LRRC8B: variants seen among roughly 807,000 people sequenced by gnomAD.
The protein encoded by LRRC8B is volume-regulated anion channel subunit LRRC8B.
A neutral mutation model predicts 58.8 loss-of-function variants in LRRC8B; 23 were observed. That is an observed-to-expected ratio of 0.39 (90% confidence interval 0.28 to 0.55). The LOEUF is 0.55. LRRC8B is among the 20% of genes least tolerant of loss of function. LRRC8B has a pLI of 0.62. For synonymous variants in LRRC8B, 359 were observed against 374.1 expected (o/e 0.96, Z 0.47); for missense variants, 694 against 936.0 (o/e 0.74, Z 3.37).
intron 3 of LRRC8B, among the ~76,000 whole-genome samples, chr1:89,577,020 A>C (rs941096942): frequency 3.3e-5 from 5 of 152,204 alleles, no homozygotes; most frequent in African/African-American, 1.2e-4. Context: ...AGTTAGATAT[A>C]TGTTAGTCCC....
intron 1 of LRRC8B, among the ~76,000 whole-genome samples, chr1:89,556,192 A>G (rs1366918191): frequency 6.6e-6 from 1 of 152,116 alleles, no homozygotes; most frequent in Non-Finnish European, 1.5e-5. Flanking sequence ...AAACCCCTAA[A>G]CAATGGAGTT....
chr1:89,571,854 C>T (rs564185673), intron 3 of LRRC8B, among the ~76,000 whole-genome samples: 1 of 151,968 alleles, frequency 6.6e-6, no homozygotes, highest in East Asian at 1.9e-4. Context: ...TACCATGTGG[C>T]AATGGCATTG....
rs1300865367 is a variant in LRRC8B, at chr1:89,555,926, T to TA, written c.-240-12319dup. 3.3e-5 allele frequency among the ~76,000 whole-genome samples: 5 copies of TA among 152,354 alleles called. No individual in the cohort carries two copies. The East Asian group carries it at 9.6e-4, about 29-fold the overall frequency. On this transcript the variant is annotated intron_variant, in intron 1 of 5. Coordinates refer to ENST00000330947, the MANE Select transcript of LRRC8B (RefSeq NM_001369817.2). ...TCACATCACAGAGCCCCATTCCTGA[T>TA]AAGAGTGTCCTTTGTTATTCATAGC...
Position 89,594,562 on chromosome 1 carries a change from A to G in LRRC8B, c.*1519A>G, listed in dbSNP as rs1019159638. On this transcript the variant is annotated 3_prime_UTR_variant, in exon 6 of 6. Coordinates refer to ENST00000330947, the MANE Select transcript of LRRC8B (RefSeq NM_001369817.2). ...TATGTAATCTCTAGCTATGATTATA[A>G]TGTAAAACAGCCTCTATTCAGTGTC... 3.9e-5 allele frequency: 6 copies of G among 152,200 alleles called. No homozygotes were observed. Among genetic ancestry groups the G allele is most frequent in the African/African-American group, 1.4e-4 (6 of 41,464 alleles). 9.4% of individuals were successfully genotyped at this position (152,200 alleles called of 1,614,324 possible).
chr1:89,538,712 T>G (rs1451928133), intron 1 of LRRC8B, among the ~76,000 whole-genome samples: 6 of 144,436 alleles, frequency 4.2e-5, no homozygotes, highest in South Asian at 2.2e-4. Context: ...ATCTTCGAGG[T>G]TTTTTTTTGT....
intron 1 of LRRC8B, among the ~76,000 whole-genome samples, chr1:89,552,920 G>T (rs1444270311): frequency 6.6e-6 from 1 of 152,196 alleles, no homozygotes; most frequent in African/African-American, 2.4e-5. Context: ...ATTTTCAGAT[G>T]AAATTTTAAT....
intron 1 of LRRC8B, among the ~76,000 whole-genome samples, chr1:89,525,506 C>T (rs568777914): frequency 6.6e-6 from 1 of 152,180 alleles, no homozygotes. Flanking sequence ...ATTTTATGCT[C>T]TTGGGAACTA....
chr1:89,592,920 T>A lies in LRRC8B; in HGVS notation c.2289T>A (p.Leu763=). ...TCATTGGTAATTACCTGGAAACACT[T>A]CCTCCTGAACTAGAAGGATGTCAGT... ...LELIGNYLET[L]PPELEGCQSL... The change falls in exon 6 of 6, where the codon CTT becomes CTA. Residue 763 remains leucine, a synonymous_variant. Coordinates refer to ENST00000330947, the MANE Select transcript of LRRC8B (RefSeq NM_001369817.2). 1 of 1,614,110 alleles carries A rather than the reference T, an allele frequency of 6.2e-7. No homozygotes were observed. The highest frequency in any genetic ancestry group is 8.5e-7 in the Non-Finnish European group (1 of 1,180,012).
intron 1 of LRRC8B, among the ~76,000 whole-genome samples, chr1:89,555,225 T>G (rs779377415): frequency 1.3e-4 from 20 of 152,298 alleles, no homozygotes; most frequent in Non-Finnish European, 1.9e-4. Context: ...TAGAAGAACC[T>G]TACTCTATCA....
chr1:89,586,336 GATTAAT>G (rs927163777), intron 5 of LRRC8B, among the ~76,000 whole-genome samples: 11 of 152,112 alleles, frequency 7.2e-5, no homozygotes, highest in Admixed American at 1.3e-4. Flanking sequence ...TTATGCAGGT[GATTAAT>G]ATTAATATTT....
chr1:89,544,913 G>A (rs1490901503), intron 1 of LRRC8B, among the ~76,000 whole-genome samples: 1 of 152,170 alleles, frequency 6.6e-6, no homozygotes, highest in Non-Finnish European at 1.5e-5. Flanking sequence ...CATTTTATTG[G>A]ATACAATTGG....
intron 5 of LRRC8B, 128 bp downstream of exon 5, chr1:89,584,917 T>TA: frequency 1.6e-6 from 1 of 632,264 alleles, no homozygotes. Flanking sequence ...CTTGCATAAA[T>TA]TACCAAAACA....
chr1:89,560,922 A>G (rs1482551810), intron 1 of LRRC8B, among the ~76,000 whole-genome samples: 2 of 152,134 alleles, frequency 1.3e-5, no homozygotes, highest in African/African-American at 4.8e-5. Context: ...TGGCTGGGTC[A>G]AATGGTAATT....
intron 1 of LRRC8B, among the ~76,000 whole-genome samples, chr1:89,531,413 A>T (rs985419749): frequency 2.6e-5 from 4 of 152,246 alleles, no homozygotes. Flanking sequence ...TACCATCTTG[A>T]GGTAACAGAA....
At chr1:89,586,664 G>A (rs1364578388) in intron 5 of LRRC8B, among the ~76,000 whole-genome samples, 8 of 152,170 alleles carry the variant, frequency 5.3e-5, no homozygotes, top group African/African-American at 1.9e-4. Context: ...GAATAAGAAA[G>A]AATACTTTGT....
In LRRC8B at chr1:89,592,846, A is replaced by T. The variant is rs201504233; in HGVS notation, c.2215A>T (p.Asn739Tyr). 2 of 1,614,074 alleles carry T rather than the reference A, an allele frequency of 1.2e-6. No homozygotes were observed. The highest frequency in any genetic ancestry group is 1.7e-6 in the Non-Finnish European group (2 of 1,179,966). Reference protein sequence around the residue: ...CLLLGKNSLMNLSPHVGELSN... With the variant: ...CLLLGKNSLMYLSPHVGELSN... ...ACTTTTGGGGAAAAATAGCTTGATG[A>T]ATTTGTCCCCTCATGTGGGTGAGCT... Residue 739 changes from asparagine to tyrosine, a missense_variant, in exon 6 of 6, where the codon AAT (asparagine) becomes TAT (tyrosine). Around this residue, in one of 5 missense-constraint regions of LRRC8B, gnomAD observed 139 missense variants for 158.2 expected, o/e 0.88. Coordinates refer to ENST00000330947, the MANE Select transcript of LRRC8B (RefSeq NM_001369817.2).
At chr1:89,582,343 A>G (rs1331212421) in intron 4 of LRRC8B, among the ~76,000 whole-genome samples, 3 of 152,236 alleles carry the variant, frequency 2.0e-5, no homozygotes, top group Non-Finnish European at 1.5e-5. Flanking sequence ...GTTGAGATAC[A>G]AGAGGTAACG....
intron 1 of LRRC8B, among the ~76,000 whole-genome samples, chr1:89,547,246 T>C (rs1651477164): frequency 1.4e-5 from 2 of 142,128 alleles, no homozygotes; most frequent in South Asian, 2.3e-4. Context: ...TTTTTTTTTT[T>C]CTCAGAAACC....
At chr1:89,587,415 T>C (rs992791573) in intron 5 of LRRC8B, among the ~76,000 whole-genome samples, 1 of 152,110 alleles carries the variant, frequency 6.6e-6, no homozygotes, top group Non-Finnish European at 1.5e-5. Context: ...GCGCCTGTAG[T>C]CCCAGCTACT....
Sources: allele counts gnomAD v4.1 joint callset (sites outside exome capture counted in the v4.1 genomes callset), GRCh38; gene constraint gnomAD v4.1.1; regional missense constraint gnomAD v4.1.1; transcripts MANE v1.5; gene names NCBI Gene and HGNC (gene_info 2026-07-23, HGNC 2026-07-21).